The following GABRG3 variants were observed in gnomAD, a reference collection of about 807,000 sequenced individuals.
The protein encoded by GABRG3 is gamma-aminobutyric acid type A receptor subunit gamma3, also known as gamma-aminobutyric acid receptor subunit gamma-3.
A neutral mutation model predicts 48.8 loss-of-function variants in GABRG3; 25 were observed. The observed-to-expected ratio is 0.51, with a 90% confidence interval of 0.37 to 0.72. GABRG3 has a LOEUF of 0.72. Ranked by LOEUF, GABRG3 falls within the 30% of genes least tolerant of loss-of-function variation. The pLI is 0.00. For missense variants in GABRG3, 394 were observed against 577.9 expected (o/e 0.68, Z 3.26); for synonymous variants, 227 against 217.6 (o/e 1.04, Z -0.38).
At chr15:27,192,722 C>T (rs1212504552) in intron 3 of GABRG3, among the ~76,000 whole-genome samples, 5 of 151,778 alleles carry the variant, frequency 3.3e-5, no homozygotes, top group African/African-American at 7.3e-5. Context: ...TCTCTCAACT[C>T]GTCATTCTCC....
At chr15:27,374,178 C>G (rs1250484324) in intron 5 of GABRG3, among the ~76,000 whole-genome samples, 1 of 124,228 alleles carries the variant, frequency 8.0e-6, no homozygotes, top group Non-Finnish European at 1.6e-5. Context: ...GTCACCCAGA[C>G]TGGTGTGCAG....
At chr15:27,363,725 C>A (rs183106909) in intron 5 of GABRG3, 1 of 152,344 alleles carries the variant, frequency 6.6e-6, no homozygotes, top group East Asian at 1.9e-4. Context: ...CTCCCCTCTG[C>A]ACTTACCTAA....
chr15:27,451,497 T>C (rs1281061170), intron 5 of GABRG3, among the ~76,000 whole-genome samples: 1 of 152,110 alleles, frequency 6.6e-6, no homozygotes, highest in Non-Finnish European at 1.5e-5. Context: ...TGCAAAAGAA[T>C]GAAATTGGAC....
At chr15:27,333,675 T>C (rs1893874483) in intron 5 of GABRG3, among the ~76,000 whole-genome samples, 2 of 152,252 alleles carry the variant, frequency 1.3e-5, no homozygotes, top group South Asian at 4.1e-4. Context: ...TCCTTGCTGG[T>C]TACTAGTTTG....
intron 3 of GABRG3, among the ~76,000 whole-genome samples, chr15:27,284,189 C>T (rs1257416069): frequency 6.6e-6 from 1 of 152,142 alleles, no homozygotes; most frequent in Non-Finnish European, 1.5e-5. Flanking sequence ...ACAAACTAAG[C>T]AGTACAGGTA....
chr15:27,301,273 G>T (rs1295548204), intron 3 of GABRG3, among the ~76,000 whole-genome samples: 13 of 152,118 alleles, frequency 8.5e-5, no homozygotes, highest in Admixed American at 4.6e-4. Flanking sequence ...ATTTTGACCT[G>T]TGTGTTGTTT....
chr15:27,469,380 G>A (rs559915313), intron 5 of GABRG3, among the ~76,000 whole-genome samples: 42 of 151,904 alleles, frequency 2.8e-4, no homozygotes, highest in East Asian at 7.7e-4. Flanking sequence ...TTGCTCTGTC[G>A]CACAGGCTAG....
At position 27,179,059 on chromosome 15, in the gene GABRG3, G is replaced by A. The variant is rs8034580; in HGVS notation, c.271-147750G>A. Among the ~76,000 whole-genome samples, 124,086 of 152,092 alleles carry A rather than the reference G, an allele frequency of 0.82. 51,223 individuals carry two copies. The highest frequency in any genetic ancestry group is 0.87 in the Middle Eastern group (257 of 294). On this transcript the variant is annotated intron_variant, in intron 3 of 9. Transcript: ENST00000615808. The surrounding 1 kb of genome is among the most constrained non-coding windows in gnomAD (Gnocchi z 4.0). ...AGAGGAGAGCAGGAGAAGGTCAGAGGAAAACTTTTCTTTTTGGGGCCTTCA... is the reference window on the plus strand; with the variant it reads ...AGAGGAGAGCAGGAGAAGGTCAGAGAAAAACTTTTCTTTTTGGGGCCTTCA...
At chr15:27,465,712 C>A (rs1889587251) in intron 5 of GABRG3, among the ~76,000 whole-genome samples, 1 of 152,160 alleles carries the variant, frequency 6.6e-6, no homozygotes, top group African/African-American at 2.4e-5. Flanking sequence ...ACTGAGTTTG[C>A]AAATTCACCT....
chr15:27,111,757 G>A (rs1027071012), intron 3 of GABRG3, among the ~76,000 whole-genome samples: 1 of 152,106 alleles, frequency 6.6e-6, no homozygotes, highest in African/African-American at 2.4e-5. Flanking sequence ...GTACTTTTCT[G>A]CTTCAATCTG....
At chr15:27,280,981 T>A (rs1010329493) in intron 3 of GABRG3, among the ~76,000 whole-genome samples, 5 of 152,202 alleles carry the variant, frequency 3.3e-5, no homozygotes, top group Admixed American at 3.3e-4. Context: ...TATCAGTTTT[T>A]GTTTCATATA....
chr15:27,433,965 A>G (rs891701475), intron 5 of GABRG3, among the ~76,000 whole-genome samples: 5 of 152,232 alleles, frequency 3.3e-5, no homozygotes, highest in Admixed American at 1.3e-4. Context: ...ATGTTTAGGA[A>G]ACACAATTCT....
chr15:27,283,670 C>T (rs564955457), intron 3 of GABRG3, among the ~76,000 whole-genome samples: 5 of 152,246 alleles, frequency 3.3e-5, no homozygotes, highest in African/African-American at 7.2e-5. Context: ...GATCAGTCTT[C>T]GCTCAGGGAC....
At chr15:27,148,661 AAGT>A (rs1898254897) in intron 3 of GABRG3, among the ~76,000 whole-genome samples, 1 of 152,032 alleles carries the variant, frequency 6.6e-6, no homozygotes, top group Non-Finnish European at 1.5e-5. Context: ...ACCAGTGACC[AAGT>A]AGTATCTAAA....
chr15:27,130,290 C>A (rs1442639175), intron 3 of GABRG3, among the ~76,000 whole-genome samples: 1 of 152,026 alleles, frequency 6.6e-6, no homozygotes, highest in Non-Finnish European at 1.5e-5. Context: ...TTTTTCAACA[C>A]CCTTGTGGAA....
chr15:27,365,525 C>T (rs1282947161), intron 5 of GABRG3: 2 of 152,266 alleles, frequency 1.3e-5, no homozygotes, highest in African/African-American at 4.8e-5. Flanking sequence ...GATGTTTCCT[C>T]CTGGTCAGAG....
chr15:27,229,742 G>T (rs564830260), intron 3 of GABRG3, among the ~76,000 whole-genome samples: 1 of 152,190 alleles, frequency 6.6e-6, no homozygotes, highest in South Asian at 2.1e-4. Flanking sequence ...CCCCCAAAGT[G>T]CTGGGATTAC....
At chr15:27,008,806 T>C (rs1895634562) in intron 2 of GABRG3, among the ~76,000 whole-genome samples, 1 of 152,150 alleles carries the variant, frequency 6.6e-6, no homozygotes. Flanking sequence ...AGCGGACATC[T>C]CTGCAGTGCT....
At position 27,184,413 on chromosome 15, in the gene GABRG3, G is replaced by A. The variant is rs143968938; in HGVS notation, c.271-142396G>A. Among the ~76,000 whole-genome samples, 395 of 152,226 alleles carry A rather than the reference G, an allele frequency of 2.6e-3. 2 individuals are homozygous for A. Among genetic ancestry groups the A allele is most frequent in the African/African-American group, 8.9e-3 (368 of 41,526 alleles). On this transcript the variant is annotated intron_variant, in intron 3 of 9. Transcript: ENST00000615808. ...TTTTTCCTGTATCTGGATTCTTCTC[G>A]ATTGCCTTCAGCTCAAAGTAATCTT...
Sources: allele counts gnomAD v4.1 joint callset (sites outside exome capture counted in the v4.1 genomes callset), GRCh38; gene constraint gnomAD v4.1.1; non-coding constraint Gnocchi (gnomAD v3.1); transcripts MANE v1.5; gene names NCBI Gene and HGNC (gene_info 2026-07-23, HGNC 2026-07-21).